The following KIAA0513 variants were observed in gnomAD, a reference collection of about 807,000 sequenced individuals.
The protein encoded by KIAA0513 is uncharacterized protein KIAA0513.
Under a neutral mutation model 56.5 loss-of-function variants are expected in KIAA0513, and 39 were observed. The observed-to-expected ratio is 0.69, with a 90% CI of 0.53 to 0.90. The LOEUF (loss-of-function observed/expected upper bound fraction) is 0.90, where lower values mean the gene tolerates loss of function less well. KIAA0513 is among the 40% of genes least tolerant of loss of function. KIAA0513 has a pLI of 0.00. For synonymous variants in KIAA0513, 268 were observed against 215.6 expected, an observed-to-expected ratio of 1.24 and a Z score of -2.13; for missense variants, 591 against 535.2, an observed-to-expected ratio of 1.10 and a Z score of -1.03.
At position 85,060,920 on chromosome 16, in the gene KIAA0513, G is replaced by C. The variant is rs2073395318; in HGVS notation, c.-172-5980G>C. ...TGTAATCCTAGCACTTTGGGAGTCA[G>C]AGGTGGGTAGATCACCTGAGGTCAG... On this transcript the variant is annotated intron_variant, in intron 1 of 12. Transcript: ENST00000683363. 2.6e-5 allele frequency among the ~76,000 whole-genome samples: 4 copies of C among 151,792 alleles called. No individual in the cohort carries two copies. In the South Asian group the frequency reaches 6.3e-4, roughly 24 times the overall value.
intron 1 of KIAA0513, among the ~76,000 whole-genome samples, chr16:85,035,175 C>A (rs961363086): frequency 6.6e-6 from 1 of 152,210 alleles, no homozygotes; most frequent in African/African-American, 2.4e-5. Context: ...CTGGGTCTGT[C>A]CCCCATTCCG....
chr16:85,044,750 C>G (rs994429910), intron 1 of KIAA0513, among the ~76,000 whole-genome samples: 8 of 152,142 alleles, frequency 5.3e-5, no homozygotes, highest in African/African-American at 1.9e-4. Context: ...TCATGATCCG[C>G]CTGTCTCAGC....
At chr16:85,077,141 G>T (rs1488705863) in intron 5 of KIAA0513, among the ~76,000 whole-genome samples, 2 of 152,152 alleles carry the variant, frequency 1.3e-5, no homozygotes, top group Non-Finnish European at 2.9e-5. Flanking sequence ...TGCAGACCCT[G>T]CCACTTGGGC....
intron 10 of KIAA0513, 63 bp from the exon 11 acceptor site, chr16:85,086,581 C>T (rs1187083670): frequency 1.0e-5 from 15 of 1,503,708 alleles, no homozygotes; most frequent in African/African-American, 1.4e-5. Flanking sequence ...CAGAACAGGG[C>T]GAGGAGCTGG....
chr16:85,080,445 C>G (rs2073726754), intron 8 of KIAA0513, among the ~76,000 whole-genome samples: 1 of 152,068 alleles, frequency 6.6e-6, no homozygotes, highest in South Asian at 2.1e-4. Context: ...AGAAACAAGC[C>G]ACTGGCCCGC....
At chr16:85,049,741 A>T (rs1055736250) in intron 1 of KIAA0513, among the ~76,000 whole-genome samples, 1 of 152,136 alleles carries the variant, frequency 6.6e-6, no homozygotes, top group Non-Finnish European at 1.5e-5. Context: ...CTGTAGATCC[A>T]ATTGAACCTT....
chr16:85,088,272 C>G lies in KIAA0513; in HGVS notation c.1187-4C>G. The G allele has an allele frequency of 1.2e-6, 2 of 1,612,350 alleles. No individual in the cohort carries two copies. Among genetic ancestry groups the G allele is most frequent in the Non-Finnish European group, 8.5e-7 (1 of 1,179,512 alleles). ...CTGAGAAATAACATCACTTTCTCTT[C>G]CAGAGCAATACAAGCTGCTTAGTGA... On this transcript the variant is annotated splice_polypyrimidine_tract_variant and splice_region_variant and intron_variant, in intron 12 of 12. Transcript: ENST00000683363.
At chr16:85,055,214 GC>G (rs1567530070) in intron 1 of KIAA0513, among the ~76,000 whole-genome samples, 1 of 151,950 alleles carries the variant, frequency 6.6e-6, no homozygotes, top group South Asian at 2.1e-4. Flanking sequence ...ATGAGCCACC[GC>G]CCCCAGCCTC....
intron 1 of KIAA0513, among the ~76,000 whole-genome samples, chr16:85,065,626 T>C (rs772432512): frequency 1.4e-4 from 22 of 152,252 alleles, no homozygotes; most frequent in Non-Finnish European, 2.8e-4. Context: ...CATTCTGCTA[T>C]TGAATTGTCC....
intron 1 of KIAA0513, among the ~76,000 whole-genome samples, chr16:85,057,572 C>T (rs942629133): frequency 6.6e-6 from 1 of 152,148 alleles, no homozygotes; most frequent in African/African-American, 2.4e-5. Context: ...TGGGCCTGAC[C>T]CTGTTCCAGT....
chr16:85,046,911 C>A (rs2073178852), intron 1 of KIAA0513, among the ~76,000 whole-genome samples: 1 of 152,134 alleles, frequency 6.6e-6, no homozygotes, highest in African/African-American at 2.4e-5. Flanking sequence ...CAGCTAATTC[C>A]AATGTCTCTG....
rs1157630307 is a variant in KIAA0513, at chr16:85,094,193, A to T, written c.*5868A>T. 6.6e-6 allele frequency: 1 copy of T among 152,186 alleles called. No individual in the cohort carries two copies. The highest frequency in any genetic ancestry group is 2.4e-5 in the African/African-American group (1 of 41,438). The allele number at this position is 152,186 out of a possible 1,614,324, so 9.4% of individuals were successfully genotyped here. On this transcript the variant is annotated 3_prime_UTR_variant, in exon 13 of 13. Coordinates refer to ENST00000683363, the MANE Select transcript of KIAA0513 (RefSeq NM_001388359.1). ...TATATATTGCACCTTGAGTTGTCAG[A>T]AGGTAGAAACTGAAATAAACTAACT...
chr16:85,080,257 G>A (rs1211736457), intron 8 of KIAA0513, among the ~76,000 whole-genome samples: 1 of 152,196 alleles, frequency 6.6e-6, no homozygotes, highest in African/African-American at 2.4e-5. Context: ...CTTGGCTGCT[G>A]TCTTTTCATT....
At position 85,078,299 on chromosome 16, in the gene KIAA0513, A is replaced by G. The variant is rs564942716; in HGVS notation, c.783-116A>G. ...GCCTTGATTTCATAAAAGGCTTTTC[A>G]GAGCAAGCCGTATTAAATGTACCCA... On this transcript the variant is annotated intron_variant, in intron 6 of 12. Coordinates refer to ENST00000683363, the MANE Select transcript of KIAA0513 (RefSeq NM_001388359.1). The G allele has an allele frequency of 3.7e-4, 394 of 1,071,258 alleles. 5 individuals carry two copies. In the East Asian group the frequency reaches 9.9e-3, roughly 27 times the overall value. 66.4% of individuals were successfully genotyped at this position (1,071,258 alleles called of 1,614,324 possible).
chr16:85,044,149 A>C (rs2143880523), intron 1 of KIAA0513, among the ~76,000 whole-genome samples: 1 of 152,336 alleles, frequency 6.6e-6, no homozygotes, highest in Non-Finnish European at 1.5e-5. Flanking sequence ...AGCCCACCTT[A>C]TCTTTTCCTT....
intron 1 of KIAA0513, among the ~76,000 whole-genome samples, chr16:85,060,197 G>C (rs981341094): frequency 1.3e-5 from 2 of 152,198 alleles, no homozygotes; most frequent in Admixed American, 1.3e-4. Flanking sequence ...CTGACCTCAG[G>C]TGATCCTCCT....
In KIAA0513 at chr16:85,088,562, A is replaced by G. The variant is rs1213920817; in HGVS notation, c.*237A>G. 1.8e-6 allele frequency: 1 copy of G among 551,600 alleles called. No homozygotes were observed. The highest frequency in any genetic ancestry group is 3.0e-5 in the East Asian group (1 of 33,374). 34.2% of individuals were successfully genotyped at this position (551,600 alleles called of 1,614,324 possible). On this transcript the variant is annotated 3_prime_UTR_variant, in exon 13 of 13. Coordinates refer to ENST00000683363, the MANE Select transcript of KIAA0513 (RefSeq NM_001388359.1). Reference sequence around the variant, plus strand: ...CCCTTGGGTCACACAGCTAAAGCCGAGGTGACCAGTTGTACCCCGAGTGCC... The same window carrying G: ...CCCTTGGGTCACACAGCTAAAGCCGGGGTGACCAGTTGTACCCCGAGTGCC...
intron 2 of KIAA0513, among the ~76,000 whole-genome samples, chr16:85,069,335 C>T (rs928177735): frequency 6.6e-6 from 1 of 152,048 alleles, no homozygotes; most frequent in Admixed American, 6.5e-5. Context: ...CACGACTCCC[C>T]GAAGTGCTGG....
intron 3 of KIAA0513, 116 bp downstream of exon 3, chr16:85,071,998 G>A: frequency 1.4e-6 from 1 of 708,154 alleles, no homozygotes; most frequent in Admixed American, 2.8e-5. Flanking sequence ...TCAAGGGAAA[G>A]GACCCAACAG....
Sources: gnomAD v4.1 joint callset for allele counts (sites outside exome capture counted in the v4.1 genomes callset) on GRCh38, gnomAD v4.1.1 for gene constraint, MANE v1.5 for transcripts, NCBI Gene and HGNC (gene_info 2026-07-23, HGNC 2026-07-21) for gene names.